The following DNAH11 variants were observed in gnomAD, a reference collection of about 807,000 sequenced individuals.
DNAH11 encodes the protein dynein axonemal heavy chain 11.
Under a neutral mutation model 526.0 loss-of-function variants are expected in DNAH11, and 442 were observed. That is an observed-to-expected ratio of 0.84 (90% confidence interval 0.78 to 0.91). The LOEUF (loss-of-function observed/expected upper bound fraction) is 0.91, where lower values mean the gene tolerates loss of function less well. Ranked by LOEUF, DNAH11 falls within the 40% of genes least tolerant of loss-of-function variation. The pLI, the probability that DNAH11 is intolerant of heterozygous loss-of-function variation, is 0.00. For missense variants in DNAH11, 6,989 were observed against 5,448.7 expected (o/e 1.28, Z -8.90); for synonymous variants, 2,461 against 1,935.9 (o/e 1.27, Z -7.12).
At chr7:21,691,848 T>A (rs980820549) in intron 35 of DNAH11, among the ~76,000 whole-genome samples, 3 of 152,210 alleles carry the variant, frequency 2.0e-5, no homozygotes, top group Non-Finnish European at 4.4e-5. Context: ...TCCTTTTTTT[T>A]ATTATAATGA....
rs545105699 is a variant in DNAH11 at position 21,610,123 on chromosome 7, A to G, written c.3852+3390A>G. Among the ~76,000 whole-genome samples the G allele has an allele frequency of 5.7e-4, 86 of 152,136 alleles. 2 individuals carry two copies. The highest frequency in any genetic ancestry group is 1.2e-3 in the Admixed American group (19 of 15,284). On this transcript the variant is annotated intron_variant, in intron 20 of 81. Coordinates refer to ENST00000409508, the MANE Select transcript of DNAH11 (RefSeq NM_001277115.2). ...CAAAAAATTAGCCGGGCGTGGTGGC[A>G]GGCGCTTGTAGTCCCAGCTACTCGG...
rs569923861 is a variant in DNAH11, at chr7:21,820,501, G to A, written c.10691+2162G>A. Reference sequence around the variant, plus strand: ...AAGTGGGAAAAGAGAATCCTGGACAGAGAGCCCTAATTTCAAATAGTAAAA... The same window carrying A: ...AAGTGGGAAAAGAGAATCCTGGACAAAGAGCCCTAATTTCAAATAGTAAAA... On this transcript the variant is annotated intron_variant, in intron 65 of 81. Coordinates refer to ENST00000409508, the MANE Select transcript of DNAH11 (RefSeq NM_001277115.2). Among the ~76,000 whole-genome samples the A allele has an allele frequency of 2.0e-5, 3 of 152,284 alleles. No individual in the cohort carries two copies. In the East Asian group the frequency reaches 5.8e-4, roughly 29 times the overall value.
intron 36 of DNAH11, among the ~76,000 whole-genome samples, chr7:21,701,412 C>T (rs1184792038): frequency 1.3e-5 from 2 of 151,878 alleles, no homozygotes; most frequent in African/African-American, 2.4e-5. Context: ...ATCTCAGCCT[C>T]CTAAGTAAAT....
chr7:21,545,691 A>G (rs1242359183), intron 2 of DNAH11, among the ~76,000 whole-genome samples: 2 of 152,234 alleles, frequency 1.3e-5, no homozygotes, highest in African/African-American at 4.8e-5. Context: ...AATAGTCTTC[A>G]ACCAATGTTA....
chr7:21,731,329 A>G (rs1785375749), intron 45 of DNAH11, among the ~76,000 whole-genome samples: 1 of 152,196 alleles, frequency 6.6e-6, no homozygotes, highest in African/African-American at 2.4e-5. Context: ...ATTTAATTAT[A>G]GTTGTAACCT....
chr7:21,821,344 T>A (rs1790040709), intron 65 of DNAH11, among the ~76,000 whole-genome samples: 1 of 152,086 alleles, frequency 6.6e-6, no homozygotes. Flanking sequence ...CCACGTAGAT[T>A]GGGGAATATC....
In DNAH11 at chr7:21,786,725, C is replaced by T. The variant is rs754349465; in HGVS notation, c.9699C>T (p.Pro3233=). The change falls in exon 59 of 82, where the codon CCC becomes CCT. Residue 3233 remains proline (P), a synonymous_variant. Coordinates refer to ENST00000409508, the MANE Select transcript of DNAH11 (RefSeq NM_001277115.2). ...MVLLAPRGRV[P]KDRSWKAAKV... ...TTCTGGCTCCTCGGGGAAGAGTGCC[C>T]AAAGACCGAAGTTGGAAAGCAGCTA... 2 of 1,613,746 alleles carry T rather than the reference C, an allele frequency of 1.2e-6. No individual in the cohort carries two copies. The highest frequency in any genetic ancestry group is 1.7e-6 in the Non-Finnish European group (2 of 1,179,748).
In DNAH11 at chr7:21,591,437, G is replaced by C; in HGVS notation, c.2527G>C (p.Gly843Arg). Residue 843 changes from glycine (G) to arginine (R), a missense_variant, in exon 14 of 82, where the codon GGC (glycine) becomes CGC (arginine). Physicochemically the swap from Gly to Arg is moderately radical, Grantham distance 125 (BLOSUM62 -2). Coordinates refer to ENST00000409508, the MANE Select transcript of DNAH11 (RefSeq NM_001277115.2). ...GAAGGTGATCCAGCAGACCATGAGG[G>C]GCTGGGCCAGGTGCGTGCTACCTCC... ...NVKVIQQTMR[G>R]WARCVLPPRR... 1 of 1,613,942 alleles carries C rather than the reference G, an allele frequency of 6.2e-7. No individual in the cohort carries two copies. The highest frequency in any genetic ancestry group is 8.5e-7 in the Non-Finnish European group (1 of 1,179,882).
intron 30 of DNAH11, among the ~76,000 whole-genome samples, chr7:21,671,081 A>G (rs1001631821): frequency 6.6e-6 from 1 of 152,176 alleles, no homozygotes. Flanking sequence ...CTTATGTTAG[A>G]CATCACTGGT....
intron 62 of DNAH11, among the ~76,000 whole-genome samples, chr7:21,806,273 TA>T (rs1789260892): frequency 6.6e-6 from 1 of 152,250 alleles, no homozygotes. Flanking sequence ...GGATACATTT[TA>T]TTGTTTATCC....
chr7:21,574,392 C>A (rs914267172), intron 8 of DNAH11, among the ~76,000 whole-genome samples: 3 of 152,078 alleles, frequency 2.0e-5, no homozygotes, highest in African/African-American at 7.2e-5. Flanking sequence ...ACATTATATA[C>A]CTGCTTAATT....
intron 32 of DNAH11, among the ~76,000 whole-genome samples, chr7:21,686,661 T>A (rs1783387565): frequency 1.3e-5 from 2 of 148,778 alleles, no homozygotes; most frequent in Admixed American, 1.3e-4. Flanking sequence ...ATTACATATC[T>A]CTTAATGTAT....
At chr7:21,628,974 G>T (rs1003185282) in intron 25 of DNAH11, among the ~76,000 whole-genome samples, 1 of 151,882 alleles carries the variant, frequency 6.6e-6, no homozygotes, top group Non-Finnish European at 1.5e-5. Context: ...TGCTTTTCTA[G>T]TTCCTTGAGG....
Position 21,711,817 on chromosome 7 carries a change from G to T in DNAH11, c.6940G>T (p.Ala2314Ser), listed in dbSNP as rs1440239739. The T allele has an allele frequency of 6.2e-7, 1 of 1,613,684 alleles. No homozygotes were observed. Among genetic ancestry groups the T allele is most frequent in the African/African-American group, 1.3e-5 (1 of 74,914 alleles). Residue 2314 changes from alanine to serine, a missense_variant, in exon 42 of 82, where the codon GCT (alanine) becomes TCT (serine). By Grantham distance (99) the Ala-to-Ser change is moderately conservative. Coordinates refer to ENST00000409508, the MANE Select transcript of DNAH11 (RefSeq NM_001277115.2). ...RSATPATVSR[A>S]GILYVNPQDL... ...CGCAACCCCGGCCACTGTTTCCAGA[G>T]CTGGTATTCTGTATGTGAACCCACA...
chr7:21,663,888 A>G (rs1250519270), intron 30 of DNAH11, among the ~76,000 whole-genome samples: 1 of 152,064 alleles, frequency 6.6e-6, no homozygotes, highest in Non-Finnish European at 1.5e-5. Flanking sequence ...ATAATGCTGA[A>G]GAGATACAGG....
intron 54 of DNAH11, among the ~76,000 whole-genome samples, chr7:21,757,759 A>C (rs915115628): frequency 1.3e-5 from 2 of 152,202 alleles, no homozygotes; most frequent in Non-Finnish European, 2.9e-5. Context: ...GACTCTCAAC[A>C]AAAAATGTCA....
At chr7:21,842,428 C>T (rs1782240854) in intron 65 of DNAH11, 116 bp from the exon 66 acceptor site, 2 of 824,796 alleles carry the variant, frequency 2.4e-6, no homozygotes, top group East Asian at 2.7e-5. Flanking sequence ...GAAAAATTCT[C>T]AATCACCTGA....
chr7:21,581,727 ACAGT>A (rs146549924), intron 8 of DNAH11, among the ~76,000 whole-genome samples, 174 bp from the exon 9 acceptor site: 3,122 of 152,322 alleles, frequency 0.02, 107 homozygotes, highest in African/African-American at 0.07. Context: ...TGGCACTTGC[ACAGT>A]CAGTCAGATA....
At chr7:21,769,626 A>T (rs1474741120) in intron 55 of DNAH11, among the ~76,000 whole-genome samples, 1 of 152,050 alleles carries the variant, frequency 6.6e-6, no homozygotes, top group Non-Finnish European at 1.5e-5. Context: ...CTGGGACCAC[A>T]GGTGCACACC....
Sources: gnomAD v4.1 joint callset for allele counts (sites outside exome capture counted in the v4.1 genomes callset) on GRCh38, gnomAD v4.1.1 for gene constraint, MANE v1.5 for transcripts, NCBI Gene and HGNC (gene_info 2026-07-23, HGNC 2026-07-21) for gene names.